The following SLC17A5 variants were observed in gnomAD, a reference collection of about 807,000 sequenced individuals.
The protein encoded by SLC17A5 is solute carrier family 17 member 5, also known as sialin.
SLC17A5 carries 47 observed loss-of-function variants against 59.4 expected under a neutral mutation model. The observed-to-expected ratio is 0.79, with a 90% CI of 0.63 to 1.01. The LOEUF (loss-of-function observed/expected upper bound fraction) is 1.01. SLC17A5 is among the 50% of genes least tolerant of loss of function. The probability of loss-of-function intolerance (pLI) is 0.00; values close to 1 mark genes in which losing one functional copy is unlikely to be tolerated. For synonymous variants in SLC17A5, 202 were observed against 210.7 expected (o/e 0.96, Z 0.36); for missense variants, 522 against 595.5 (o/e 0.88, Z 1.28).
intron 7 of SLC17A5, among the ~76,000 whole-genome samples, chr6:73,619,202 C>T (rs1301519895): frequency 1.3e-5 from 2 of 152,152 alleles, no homozygotes; most frequent in Non-Finnish European, 2.9e-5. Context: ...ACAATTACAA[C>T]ACTAACTTCA....
chr6:73,601,781 C>T (rs1767122944), intron 9 of SLC17A5, among the ~76,000 whole-genome samples: 1 of 146,720 alleles, frequency 6.8e-6, no homozygotes, highest in Non-Finnish European at 1.5e-5. Context: ...AGGAGCCCCT[C>T]TGCCCGGCCA....
At chr6:73,622,273 C>T (rs1009417486) in intron 6 of SLC17A5, among the ~76,000 whole-genome samples, 3 of 151,384 alleles carry the variant, frequency 2.0e-5, no homozygotes, top group African/African-American at 7.3e-5. Context: ...TCACCTGCAG[C>T]ATTGATTTAT....
At chr6:73,651,681 T>TACAGGCACC (rs1581996020) in intron 1 of SLC17A5, among the ~76,000 whole-genome samples, 1 of 151,638 alleles carries the variant, frequency 6.6e-6, no homozygotes, top group East Asian at 2.0e-4. Flanking sequence ...TAGCTGGGAC[T>TACAGGCACC]ACAGGCACCC....
chr6:73,614,095 G>A (rs550664433), intron 8 of SLC17A5, among the ~76,000 whole-genome samples: 22 of 152,216 alleles, frequency 1.4e-4, no homozygotes, highest in African/African-American at 3.6e-4. Context: ...GTGAAACCCC[G>A]TCTTCAGTAA....
chr6:73,644,522 T>C lies in SLC17A5; in HGVS notation c.176A>G (p.Asn59Ser). The C allele has an allele frequency of 1.2e-6, 2 of 1,614,098 alleles. No homozygotes were observed. The highest frequency in any genetic ancestry group is 8.5e-7 in the Non-Finnish European group (1 of 1,179,990). Residue 59 changes from asparagine (N) to serine (S), a missense_variant, in exon 2 of 11, where the codon AAT becomes AGT. Around this residue, in one of 3 missense-constraint regions of SLC17A5, gnomAD observed 338 missense variants for 363.8 expected, o/e 0.93. Coordinates refer to ENST00000355773, the MANE Select transcript of SLC17A5 (RefSeq NM_012434.5). ...GFFIVYALRVNLSVALVDMVD... is the reference protein window; with the variant it reads ...GFFIVYALRVSLSVALVDMVD... ...CATATCCACTAACGCAACACTCAGATTCACACGTAATGCATACACAATGAA... is the reference window on the plus strand; with the variant it reads ...CATATCCACTAACGCAACACTCAGACTCACACGTAATGCATACACAATGAA...
intron 7 of SLC17A5, among the ~76,000 whole-genome samples, chr6:73,621,475 C>T (rs1341069394): frequency 6.6e-6 from 1 of 152,200 alleles, no homozygotes; most frequent in East Asian, 1.9e-4. Context: ...TATTGGCCAT[C>T]TGTGTATCTT....
At chr6:73,609,846 T>C (rs1367042469) in intron 9 of SLC17A5, among the ~76,000 whole-genome samples, 1 of 152,120 alleles carries the variant, frequency 6.6e-6, no homozygotes, top group South Asian at 2.1e-4. Flanking sequence ...AGGCAGAAAG[T>C]AGAATGTTGG....
chr6:73,644,479 A>C lies in SLC17A5; in HGVS notation c.219T>G (p.Thr73=). 3 of 1,614,076 alleles carry C rather than the reference A, an allele frequency of 1.9e-6. No homozygotes were observed. In the South Asian group the frequency reaches 3.3e-5, roughly 18 times the overall value. ...CCTTGGAAGTTCTATTATCTTCTAA[A>C]GTTGTATTTGAATCTACCATATCCA... ...ALVDMVDSNT[T]LEDNRTSKAC... The change falls in exon 2 of 11, where the codon ACT becomes ACG. Residue 73 remains threonine (T), a synonymous_variant. Transcript: ENST00000355773.
chr6:73,633,660 C>G (rs1023724881), intron 6 of SLC17A5, among the ~76,000 whole-genome samples: 4 of 151,942 alleles, frequency 2.6e-5, no homozygotes, highest in African/African-American at 9.7e-5. Context: ...GGGAGGATCG[C>G]TTGAGGCCAG....
At chr6:73,622,971 G>A (rs1768221219) in intron 6 of SLC17A5, among the ~76,000 whole-genome samples, 1 of 152,156 alleles carries the variant, frequency 6.6e-6, no homozygotes, top group Non-Finnish European at 1.5e-5. Flanking sequence ...CCAATTCAGA[G>A]AGGTTAATAA....
chr6:73,613,903 A>T (rs1188915966), intron 8 of SLC17A5, among the ~76,000 whole-genome samples: 1 of 151,642 alleles, frequency 6.6e-6, no homozygotes. Context: ...AGGATTGCTG[A>T]AGGCCAGGAG....
chr6:73,641,795 A>T lies in SLC17A5; in HGVS notation c.421T>A (p.Phe141Ile). ...SKIGGKMLLG[F>I]GILGTAVLTL... ...AGGACAGCAGTGCCAAGGATCCCAA[A>T]TCCTAGCAGCATTTTCCCCCCTATT... Residue 141 changes from phenylalanine to isoleucine, a missense_variant, in exon 3 of 11, where the codon TTT becomes ATT. Physicochemically the swap from Phe to Ile is conservative, Grantham distance 21. Coordinates refer to ENST00000355773, the MANE Select transcript of SLC17A5 (RefSeq NM_012434.5). 6.2e-7 allele frequency: 1 copy of T among 1,614,094 alleles called. No individual in the cohort carries two copies. The highest frequency in any genetic ancestry group is 8.5e-7 in the Non-Finnish European group (1 of 1,180,012).
intron 7 of SLC17A5, 82 bp from the exon 8 acceptor site, chr6:73,615,529 C>T: frequency 7.1e-7 from 1 of 1,400,698 alleles, no homozygotes; most frequent in Non-Finnish European, 1.0e-6. Context: ...CCAATGACCA[C>T]CACTTGAAAG....
In SLC17A5 at chr6:73,653,776, A is replaced by T; in HGVS notation, c.94+17T>A. ...ACCGCTGCCCACTCGAAGCCCCTGG[A>T]CGACCCCGCCGCTTACCGGCTTCGG... is the stretch of plus-strand genomic sequence containing the variant. On this transcript the variant is annotated intron_variant, in intron 1 of 10. Transcript: ENST00000355773. 6.4e-7 allele frequency: 1 copy of T among 1,566,312 alleles called. No homozygotes were observed. Among genetic ancestry groups the T allele is most frequent in the Non-Finnish European group, 8.7e-7 (1 of 1,155,798 alleles).
At chr6:73,623,858 T>C (rs7764768) in intron 6 of SLC17A5, among the ~76,000 whole-genome samples, 24,413 of 151,168 alleles carry the variant, frequency 0.16, 3,020 homozygotes, top group African/African-American at 0.34. Flanking sequence ...CCACCATGTC[T>C]GGCAAATGTT....
chr6:73,620,996 GATTA>G (rs1768118562), intron 7 of SLC17A5, among the ~76,000 whole-genome samples: 1 of 128,354 alleles, frequency 7.8e-6, no homozygotes, highest in Non-Finnish European at 1.6e-5. Context: ...AAAGTGCTGG[GATTA>G]ATTATTATTA....
rs1205072623 is a variant in SLC17A5, at chr6:73,641,912, G to T, written c.304C>A (p.Gln102Lys). 1.2e-6 allele frequency: 2 copies of T among 1,613,706 alleles called. No homozygotes were observed. The highest frequency in any genetic ancestry group is 1.7e-4 in the Middle Eastern group (1 of 6,060). The change falls in exon 3 of 11, where the codon CAA becomes AAA. Residue 102 changes from glutamine to lysine, a missense_variant. Gln to Lys is a moderately conservative substitution (Grantham distance 53). Around this residue, in one of 3 missense-constraint regions of SLC17A5, gnomAD observed 338 missense variants for 363.8 expected, o/e 0.93. Coordinates refer to ENST00000355773, the MANE Select transcript of SLC17A5 (RefSeq NM_012434.5). ...VHHNQTGKKY[Q>K]WDAETQGWIL... ...CATCCTTGAGTTTCTGCATCCCATT[G>T]GTACTTCTTACCCTACAAAAATCAG...
intron 6 of SLC17A5, among the ~76,000 whole-genome samples, chr6:73,629,460 T>C (rs1279170401): frequency 5.3e-5 from 8 of 150,802 alleles, no homozygotes; most frequent in African/African-American, 1.7e-4. Context: ...GAAAACCCCA[T>C]GATATCCTTG....
At chr6:73,609,486 G>T (rs1767547874) in intron 9 of SLC17A5, among the ~76,000 whole-genome samples, 1 of 152,208 alleles carries the variant, frequency 6.6e-6, no homozygotes, top group Admixed American at 6.5e-5. Flanking sequence ...AAAGTGATGT[G>T]TAAACTATCA....
Sources: gnomAD v4.1 joint callset for allele counts (sites outside exome capture counted in the v4.1 genomes callset) on GRCh38, gnomAD v4.1.1 for gene constraint, gnomAD v4.1.1 regional missense constraint, MANE v1.5 for transcripts, NCBI Gene and HGNC (gene_info 2026-07-23, HGNC 2026-07-21) for gene names.